Variants in CUX2 observed in about 807,000 individuals in gnomAD.
CUX2 encodes the protein cut like homeobox 2.
Under a neutral mutation model 144.8 loss-of-function variants are expected in CUX2, and 40 were observed. That is an observed-to-expected ratio of 0.28 (90% CI 0.21 to 0.36). CUX2 has a LOEUF of 0.36. Among genes scored for constraint, CUX2 ranks in the 10% least tolerant of loss-of-function variants. The probability of loss-of-function intolerance (pLI) is 1.00; values close to 1 mark genes in which losing one functional copy is unlikely to be tolerated. For synonymous variants in CUX2, 827 were observed against 875.6 expected (o/e 0.94, Z 0.98); for missense variants, 1,615 against 1,994.0 (o/e 0.81, Z 3.62).
At chr12:111,046,695 C>T (rs1229498334) in intron 1 of CUX2, among the ~76,000 whole-genome samples, 7 of 152,076 alleles carry the variant, frequency 4.6e-5, no homozygotes, top group Non-Finnish European at 7.4e-5. Context: ...CTGGCTCTGT[C>T]GCCCAGGCTG....
At chr12:111,221,525 A>C (rs1005861708) in intron 3 of CUX2, among the ~76,000 whole-genome samples, 6 of 152,298 alleles carry the variant, frequency 3.9e-5, no homozygotes, top group African/African-American at 1.4e-4. Flanking sequence ...TCCCTGGAGC[A>C]AATACCATCC....
intron 1 of CUX2, among the ~76,000 whole-genome samples, chr12:111,064,327 T>C (rs546951364): frequency 3.3e-4 from 51 of 152,340 alleles, no homozygotes; most frequent in African/African-American, 1.1e-3. Flanking sequence ...ACCTGACCCC[T>C]CTGTGGCCTC....
intron 1 of CUX2, among the ~76,000 whole-genome samples, chr12:111,132,420 G>A (rs1034162521): frequency 1.3e-5 from 2 of 152,092 alleles, no homozygotes; most frequent in Non-Finnish European, 2.9e-5. Context: ...TCCCCCATGG[G>A]CTTGGGGATT....
intron 1 of CUX2, among the ~76,000 whole-genome samples, chr12:111,100,378 A>G (rs1306819907): frequency 1.4e-5 from 2 of 146,862 alleles, no homozygotes; most frequent in South Asian, 2.2e-4. Flanking sequence ...ATCTCTGCCT[A>G]TCTCTGTGTG....
intron 9 of CUX2, among the ~76,000 whole-genome samples, chr12:111,300,669 A>G (rs990548599): frequency 1.3e-5 from 2 of 152,144 alleles, no homozygotes; most frequent in African/African-American, 4.8e-5. Flanking sequence ...CAGATTTTCA[A>G]CTTTGCCATT....
chr12:111,188,218 A>T (rs1195727861), intron 1 of CUX2, among the ~76,000 whole-genome samples: 1 of 152,244 alleles, frequency 6.6e-6, no homozygotes, highest in African/African-American at 2.4e-5. Flanking sequence ...ACGTCAATAG[A>T]CAGGTTACTA....
intron 4 of CUX2, among the ~76,000 whole-genome samples, chr12:111,280,476 A>G (rs1592912808): frequency 6.6e-6 from 1 of 152,018 alleles, no homozygotes; most frequent in South Asian, 2.1e-4. Context: ...TGGATTTTGG[A>G]CCTCCAGCCT....
rs943378120 is a variant in CUX2 at position 111,293,103 on chromosome 12, T to C, written c.437-343T>C. Among the ~76,000 whole-genome samples the C allele has an allele frequency of 3.3e-5, 5 of 151,048 alleles. No homozygotes were observed. Among genetic ancestry groups the C allele is most frequent in the African/African-American group, 1.2e-4 (5 of 40,862 alleles). ...GTGCCACTGCACTCGCAGTCCAGCC[T>C]GGGCAACAGACCAAGACTCCGTCTC... On this transcript the variant is annotated intron_variant, in intron 5 of 21. Coordinates refer to ENST00000261726, the MANE Select transcript of CUX2 (RefSeq NM_015267.4). This position sits in a 1 kb window ranked among gnomAD's most constrained non-coding sequence, Gnocchi z 4.5.
intron 1 of CUX2, among the ~76,000 whole-genome samples, chr12:111,063,930 A>G (rs1870914258): frequency 6.6e-6 from 1 of 152,180 alleles, no homozygotes; most frequent in South Asian, 2.1e-4. Flanking sequence ...GGCACCAGCC[A>G]AGTAGGTAGC....
In CUX2 at chr12:111,293,128, C is replaced by CA. The variant is rs35086981; in HGVS notation, c.437-308dup. On this transcript the variant is annotated intron_variant, in intron 5 of 21. Transcript: ENST00000261726. The surrounding 1 kb of genome is among the most constrained non-coding windows in gnomAD (Gnocchi z 4.5). ...TGGGCAACAGACCAAGACTCCGTCT[C>CA]AAAAAAAAAATAAAAAATAAAAAAA... is the stretch of plus-strand genomic sequence containing the variant. Among the ~76,000 whole-genome samples the CA allele has an allele frequency of 0.27, 40,197 of 147,248 alleles. 7,250 individuals carry two copies. The highest frequency in any genetic ancestry group is 0.81 in the East Asian group (4,103 of 5,078).
At chr12:111,305,365 C>T (rs532760141) in intron 10 of CUX2, among the ~76,000 whole-genome samples, 1 of 152,278 alleles carries the variant, frequency 6.6e-6, no homozygotes, top group East Asian at 1.9e-4. Context: ...TATACAGGCC[C>T]AGGTGTCTAT....
chr12:111,083,787 C>T (rs1001183371), intron 1 of CUX2, among the ~76,000 whole-genome samples: 15 of 152,012 alleles, frequency 9.9e-5, no homozygotes, highest in African/African-American at 3.4e-4. Flanking sequence ...TAGTCGTGAA[C>T]CTTGGGGCTG....
intron 1 of CUX2, among the ~76,000 whole-genome samples, chr12:111,212,311 GC>G (rs1341075152): frequency 1.3e-5 from 2 of 152,126 alleles, no homozygotes; most frequent in African/African-American, 2.4e-5. Context: ...TAAACTGGAA[GC>G]CCCCATGTAC....
At chr12:111,142,820 G>A (rs555831031) in intron 1 of CUX2, among the ~76,000 whole-genome samples, 36 of 152,080 alleles carry the variant, frequency 2.4e-4, no homozygotes, top group Non-Finnish European at 1.9e-4. Flanking sequence ...CTGTGTAACC[G>A]CTGGGATTTT....
chr12:111,080,689 A>G lies in CUX2; in HGVS notation c.63+46449A>G, dbSNP rs78572043. On this transcript the variant is annotated intron_variant, in intron 1 of 21. Transcript: ENST00000261726. ...CCTGGCACTCAAAAAATAAAATGTC[A>G]GCTCTAGAAGGGCAAGGATTTTTGT... Among the ~76,000 whole-genome samples, 1,023 of 152,272 alleles carry G rather than the reference A, an allele frequency of 6.7e-3. 103 individuals are homozygous for G. The East Asian group carries it at 0.19, about 29-fold the overall frequency.
At chr12:111,170,720 A>G (rs905158577) in intron 1 of CUX2, among the ~76,000 whole-genome samples, 1 of 151,944 alleles carries the variant, frequency 6.6e-6, no homozygotes, top group South Asian at 2.1e-4. Flanking sequence ...AAACTGCTCA[A>G]TGATTCCAGT....
rs754245365 is a variant in CUX2 at position 111,334,660 on chromosome 12, C to T, written c.3146C>T (p.Thr1049Met). 1.2e-6 allele frequency: 2 copies of T among 1,613,806 alleles called. No homozygotes were observed. The highest frequency in any genetic ancestry group is 1.7e-6 in the Non-Finnish European group (2 of 1,179,948). ...GTGGCCATGTCCCCCGAGCTGGACACGTACTCCATCACCAAGAGGGTGAAG... is the reference window on the plus strand; with the variant it reads ...GTGGCCATGTCCCCCGAGCTGGACATGTACTCCATCACCAAGAGGGTGAAG... Reference protein sequence around the residue: ...EIVAMSPELDTYSITKRVKEV... With the variant: ...EIVAMSPELDMYSITKRVKEV... Residue 1049 changes from threonine (T) to methionine (M), a missense_variant, in exon 19 of 22, where the codon ACG becomes ATG. Thr to Met is a moderately conservative substitution (Grantham distance 81). Coordinates refer to ENST00000261726, the MANE Select transcript of CUX2 (RefSeq NM_015267.4).
chr12:111,324,020 C>T (rs577070097), intron 18 of CUX2, among the ~76,000 whole-genome samples: 155 of 151,982 alleles, frequency 1.0e-3, no homozygotes, highest in Non-Finnish European at 6.2e-4. Context: ...TCACACTGCA[C>T]TGGGCAAGTG....
intron 3 of CUX2, among the ~76,000 whole-genome samples, chr12:111,243,855 A>G (rs1015580349): frequency 2.6e-5 from 4 of 152,028 alleles, no homozygotes; most frequent in Admixed American, 1.3e-4. Context: ...CTCATCTGTA[A>G]GCTCCCTGTC....
Sources: gnomAD v4.1 joint callset for allele counts (sites outside exome capture counted in the v4.1 genomes callset) on GRCh38, gnomAD v4.1.1 for gene constraint, Gnocchi (gnomAD v3.1) non-coding constraint, MANE v1.5 for transcripts, NCBI Gene and HGNC (gene_info 2026-07-23, HGNC 2026-07-21) for gene names.